The following DDX51 variants were observed in gnomAD, a reference collection of about 807,000 sequenced individuals.
DDX51 encodes the protein ATP-dependent RNA helicase DDX51.
In DDX51, 67 loss-of-function variants were observed where a neutral mutation model predicts 74.6. That is an observed-to-expected ratio of 0.90 (90% CI 0.74 to 1.10). The LOEUF is 1.10. DDX51 is among the 50% of genes least tolerant of loss of function. The pLI is 0.00. For missense variants in DDX51, 1,056 were observed against 905.2 expected (o/e 1.17, Z -2.14); for synonymous variants, 545 against 402.9 (o/e 1.35, Z -4.22).
At chr12:132,140,390 C>G in intron 11 of DDX51, 33 bp downstream of exon 11, 1 of 1,610,480 alleles carries the variant, frequency 6.2e-7, no homozygotes, top group Non-Finnish European at 8.5e-7. Flanking sequence ...CACCCCCACC[C>G]CACAGAGGCC....
Position 132,141,612 on chromosome 12 carries a change from G to A in DDX51, c.996-6C>T, listed in dbSNP as rs759342245. On this transcript the variant is annotated splice_region_variant and splice_polypyrimidine_tract_variant and intron_variant, in intron 6 of 14. Transcript: ENST00000397333. ...AGCAGCGGTACCCATCAGCTCTACAGACCAGAGAGCAGCTCGAGAGAAGGA... is the reference window on the plus strand; with the variant it reads ...AGCAGCGGTACCCATCAGCTCTACAAACCAGAGAGCAGCTCGAGAGAAGGA... 5 of 1,572,564 alleles carry A rather than the reference G, an allele frequency of 3.2e-6. No homozygotes were observed. In the South Asian group the frequency reaches 3.5e-5, roughly 11 times the overall value.
rs3199045 is a variant in DDX51 at position 132,136,830 on chromosome 12, A to G, written c.*2442T>C. 0.26 allele frequency: 40,218 copies of G among 151,876 alleles called. 8,422 individuals are homozygous for G. Among genetic ancestry groups the G allele is most frequent in the African/African-American group, 0.58 (24,096 of 41,358 alleles). The allele number at this position is 151,876 out of a possible 1,614,324, so 9.4% of individuals were successfully genotyped here. A position where few individuals can be genotyped will look rare whatever the true frequency, so the allele number is the denominator to read the frequency against. ...AGGCACACGCCACCACGCTCAGCTA[A>G]GTTTTGTATTTTTAGTAGAGATGGG... On this transcript the variant is annotated 3_prime_UTR_variant, in exon 15 of 15. Coordinates refer to ENST00000397333, the MANE Select transcript of DDX51 (RefSeq NM_175066.4).
At position 132,140,884 on chromosome 12, in the gene DDX51, CTT is replaced by C; in HGVS notation, c.1385_1386del (p.Glu462GlyfsTer29). On this transcript the variant is annotated frameshift_variant, in exon 9 of 15. Transcript: ENST00000397333. LOFTEE classifies it high-confidence loss of function. The part of the protein sequence containing the change: ...FSTGLAHRGL[E>X]DTDGDGDSGK... ...CCCGAATCCCCGTCCCCATCTGTATCTTCCAGGCCCCTGTGTGCTAGCCCTGT... is the reference window on the plus strand; with the variant it reads ...CCCGAATCCCCGTCCCCATCTGTATCCCAGGCCCCTGTGTGCTAGCCCTGT... 6.2e-7 allele frequency: 1 copy of C among 1,613,564 alleles called. No individual in the cohort carries two copies. The highest frequency in any genetic ancestry group is 8.5e-7 in the Non-Finnish European group (1 of 1,179,974).
Position 132,144,247 on chromosome 12 carries a change from G to A in DDX51, c.50C>T (p.Ala17Val). The A allele has an allele frequency of 1.6e-6, 2 of 1,234,108 alleles. No homozygotes were observed. The highest frequency in any genetic ancestry group is 2.0e-6 in the Non-Finnish European group (2 of 988,958). 76.4% of individuals were successfully genotyped at this position (1,234,108 alleles called of 1,614,324 possible). ...ARYPGPDAAA[A>V]AGPEGAEAGA... Reference sequence around the variant, plus strand: ...GGCCTCCGCGCCCTCCGGCCCCGCCGCAGCTGCCGCATCGGGGCCCGGGTA... The same window carrying A: ...GGCCTCCGCGCCCTCCGGCCCCGCCACAGCTGCCGCATCGGGGCCCGGGTA... The change falls in exon 1 of 15, where the codon GCG (alanine) becomes GTG (valine). Residue 17 changes from alanine to valine, a missense_variant. Transcript: ENST00000397333.
chr12:132,142,638 G>A, intron 3 of DDX51, 90 bp downstream of exon 3: 2 of 1,551,082 alleles, frequency 1.3e-6, no homozygotes, highest in South Asian at 1.2e-5. Flanking sequence ...CACCGATGTG[G>A]CAGGGACGCC....
Position 132,140,957 on chromosome 12 carries a change from A to T in DDX51, c.1314T>A (p.Pro438=). The change falls in exon 9 of 15, where the codon CCT becomes CCA. Residue 438 remains proline, a synonymous_variant. Coordinates refer to ENST00000397333, the MANE Select transcript of DDX51 (RefSeq NM_175066.4). ...LLFSATLTQN[P]EKLQQLGLHQ... is the part of the protein sequence containing the mutation. ...GGAGGCCCAGCTGCTGCAGCTTTTCAGGGTTCTGGGTCAGAGTAGCTGAGA... is the reference window on the plus strand; with the variant it reads ...GGAGGCCCAGCTGCTGCAGCTTTTCTGGGTTCTGGGTCAGAGTAGCTGAGA... 6.2e-7 allele frequency: 1 copy of T among 1,613,128 alleles called. No individual in the cohort carries two copies. Among genetic ancestry groups the T allele is most frequent in the South Asian group, 1.1e-5 (1 of 91,086 alleles).
chr12:132,139,287 C>T lies in DDX51; in HGVS notation c.1986G>A (p.Lys662=), dbSNP rs1463944718. The T allele has an allele frequency of 6.2e-7, 1 of 1,608,924 alleles. No homozygotes were observed. Among genetic ancestry groups the T allele is most frequent in the South Asian group, 1.1e-5 (1 of 90,310 alleles). Reference sequence around the variant, plus strand: ...GAGCCCCAGCCTAGGCCGCCCTCTGCTTGCGCTCTTCCTGTGGAGGAAAGG... The same window carrying T: ...GAGCCCCAGCCTAGGCCGCCCTCTGTTTGCGCTCTTCCTGTGGAGGAAAGG... The part of the protein sequence containing the change: ...QLEESVKEER[K]QRAA Residue 662 remains lysine, a synonymous_variant, in exon 15 of 15, where the codon AAG becomes AAA. Coordinates refer to ENST00000397333, the MANE Select transcript of DDX51 (RefSeq NM_175066.4).
Position 132,140,684 on chromosome 12 carries a change from G to C in DDX51, c.1492C>G (p.Leu498Val), listed in dbSNP as rs369566115. The C allele has an allele frequency of 4.3e-6, 7 of 1,613,024 alleles. No individual in the cohort carries two copies. The Admixed American group carries it at 8.3e-5, about 19-fold the overall frequency. The change falls in exon 10 of 15, where the codon CTG becomes GTG. Residue 498 changes from leucine to valine, a missense_variant. Physicochemically the swap from Leu to Val is conservative, Grantham distance 32 (BLOSUM62 1). Transcript: ENST00000397333. ...CTCGAGAAGCCCATCTCCAGGACCA[G>C]GTGCAGGACGACCAGCGGCTTAGAG... Reference protein sequence around the residue: ...LSSKPLVVLHLVLEMGFSRVL... With the variant: ...LSSKPLVVLHVVLEMGFSRVL...
Position 132,140,566 on chromosome 12 carries a change from G to C in DDX51, c.1557-27C>G, listed in dbSNP as rs371359460. The C allele has an allele frequency of 1.7e-5, 28 of 1,612,742 alleles. No homozygotes were observed. In the Admixed American group the frequency reaches 4.2e-4, roughly 24 times the overall value. ...TAGGCAGAGAGAAGGCTGCGGCCAA[G>C]TGATGCTGGGACCAGAGGCCACCTC... On this transcript the variant is annotated intron_variant, in intron 10 of 14. Transcript: ENST00000397333.
In DDX51 at chr12:132,143,918, C is replaced by T. The variant is rs775080368; in HGVS notation, c.305-9G>A. The T allele has an allele frequency of 1.9e-5, 29 of 1,513,284 alleles. No homozygotes were observed. The highest frequency in any genetic ancestry group is 4.4e-4 in the Middle Eastern group (2 of 4,512). 93.7% of individuals were successfully genotyped at this position (1,513,284 alleles called of 1,614,324 possible). A position where few individuals can be genotyped will look rare whatever the true frequency, so the allele number is the denominator to read the frequency against. ...CGCCTCCTCGTTGCTTTCTGCGAGG[C>T]AGACACCCACCCGGCAGCGCGTCAG... is the stretch of plus-strand genomic sequence containing the variant. On this transcript the variant is annotated splice_polypyrimidine_tract_variant and intron_variant, in intron 1 of 14. Coordinates refer to ENST00000397333, the MANE Select transcript of DDX51 (RefSeq NM_175066.4).
intron 3 of DDX51, 102 bp from the exon 4 acceptor site, chr12:132,142,524 T>G (rs111981810): frequency 2.2e-5 from 33 of 1,511,392 alleles, no homozygotes; most frequent in African/African-American, 2.1e-4. Context: ...GCTGGAGGCC[T>G]GGGAACCGCT....
At position 132,138,989 on chromosome 12, in the gene DDX51, C is replaced by T. The variant is rs1240310566; in HGVS notation, c.*283G>A. 1.9e-5 allele frequency: 9 copies of T among 476,234 alleles called. No homozygotes were observed. The highest frequency in any genetic ancestry group is 9.4e-5 in the East Asian group (3 of 31,934). The allele number at this position is 476,234 out of a possible 1,614,324, so 29.5% of individuals were successfully genotyped here. ...TCAGCAAAAGCATGACGGGTGCCCG[C>T]GTCCGTCTGGGAGTACTTTTCACCG... On this transcript the variant is annotated 3_prime_UTR_variant, in exon 15 of 15. Coordinates refer to ENST00000397333, the MANE Select transcript of DDX51 (RefSeq NM_175066.4).
intron 2 of DDX51, 48 bp from the exon 3 acceptor site, chr12:132,142,926 C>T (rs371542514): frequency 3.8e-5 from 61 of 1,607,630 alleles, no homozygotes; most frequent in African/African-American, 5.3e-5. Context: ...TCCAGGCTCT[C>T]GCGCAGAAGC....
chr12:132,139,091 G>A lies in DDX51; in HGVS notation c.*181C>T, dbSNP rs916649174. 18 of 812,198 alleles carry A rather than the reference G, an allele frequency of 2.2e-5. No individual in the cohort carries two copies. The highest frequency in any genetic ancestry group is 2.9e-5 in the Non-Finnish European group (15 of 521,824). The allele number at this position is 812,198 out of a possible 1,614,324, so 50.3% of individuals were successfully genotyped here. ...GTGACAAGCCCTGAAGTCTCCAGTC[G>A]GGGCAGGTGCTTGAGCTCTGACGCC... is the stretch of plus-strand genomic sequence containing the variant. On this transcript the variant is annotated 3_prime_UTR_variant, in exon 15 of 15. Transcript: ENST00000397333.
At chr12:132,139,424 C>T in intron 14 of DDX51, 126 bp from the exon 15 acceptor site, 6 of 1,527,672 alleles carry the variant, frequency 3.9e-6, no homozygotes, top group African/African-American at 1.4e-5. Context: ...AGGCCCTGGC[C>T]CCGCTGACAG....
In DDX51 at chr12:132,140,966, G is replaced by A. The variant is rs751774484; in HGVS notation, c.1305C>T (p.Thr435=). 2.5e-6 allele frequency: 4 copies of A among 1,612,330 alleles called. No individual in the cohort carries two copies. The highest frequency in any genetic ancestry group is 2.5e-6 in the Non-Finnish European group (3 of 1,179,712). ...GCTGCTGCAGCTTTTCAGGGTTCTG[G>A]GTCAGAGTAGCTGAGAAGAGCAGCT... The part of the protein sequence containing the change: ...LQKLLFSATL[T]QNPEKLQQLG... The change falls in exon 9 of 15, where the codon ACC becomes ACT. Residue 435 remains threonine, a synonymous_variant. Coordinates refer to ENST00000397333, the MANE Select transcript of DDX51 (RefSeq NM_175066.4).
chr12:132,141,220 G>C lies in DDX51; in HGVS notation c.1250+55C>G. 3 of 1,530,302 alleles carry C rather than the reference G, an allele frequency of 2.0e-6. No individual in the cohort carries two copies. In the South Asian group the frequency reaches 3.7e-5, roughly 19 times the overall value. 94.8% of individuals were successfully genotyped at this position (1,530,302 alleles called of 1,614,324 possible). A position where few individuals can be genotyped will look rare whatever the true frequency, so the allele number is the denominator to read the frequency against. On this transcript the variant is annotated intron_variant, in intron 8 of 14. Transcript: ENST00000397333. ...CTCTGGGCATTAAGGAAGGAGAGCT[G>C]TGTGCAGAGGACTCTGCTCAGGGGA... is the stretch of plus-strand genomic sequence containing the variant.
In DDX51 at chr12:132,140,070, C is replaced by T. The variant is rs146467868; in HGVS notation, c.1775+28G>A. ...CCAGGAGCTCACAAAGCCCCAGACC[C>T]CCCAGTGGCCGCTGCGCCAGCGCTC... On this transcript the variant is annotated intron_variant, in intron 12 of 14. Coordinates refer to ENST00000397333, the MANE Select transcript of DDX51 (RefSeq NM_175066.4). 787 of 1,609,384 alleles carry T rather than the reference C, an allele frequency of 4.9e-4. 6 individuals are homozygous for T. In the African/African-American group the frequency reaches 9.4e-3, roughly 19 times the overall value.
intron 12 of DDX51, 70 bp downstream of exon 12, chr12:132,140,028 C>T (rs117634899): frequency 1.9e-5 from 30 of 1,605,918 alleles, no homozygotes; most frequent in Admixed American, 3.3e-5. Context: ...CCAGTCAAGA[C>T]GGTCCCACAT....
Sources: gnomAD v4.1 joint callset for allele counts on GRCh38, gnomAD v4.1.1 for gene constraint, MANE v1.5 for transcripts, NCBI Gene and HGNC (gene_info 2026-07-23, HGNC 2026-07-21) for gene names.